ARHGEF1: variants seen among roughly 807,000 people sequenced by gnomAD.
ARHGEF1 encodes 115 kDa guanine nucleotide exchange factor.
ARHGEF1 carries 40 observed loss-of-function variants against 119.7 expected under a neutral mutation model. The ratio of observed to expected loss-of-function variants is 0.33; its 90% CI spans 0.26 to 0.44. The LOEUF is 0.44. Ranked by LOEUF, ARHGEF1 falls within the 20% of genes least tolerant of loss-of-function variation. ARHGEF1 has a pLI of 1.00. For synonymous variants in ARHGEF1, 494 were observed against 521.0 expected (o/e 0.95, Z 0.71); for missense variants, 976 against 1,268.3 (o/e 0.77, Z 3.50).
chr19:41,914,448 A>C (rs2074774674), intron 18 of ARHGEF1, among the ~76,000 whole-genome samples: 2 of 142,680 alleles, frequency 1.4e-5, no homozygotes, highest in African/African-American at 2.7e-5. Flanking sequence ...CTGTTTCTCC[A>C]TCTCTCACCC....
chr19:41,914,553 C>T (rs1160502612), intron 18 of ARHGEF1, among the ~76,000 whole-genome samples: 1 of 121,758 alleles, frequency 8.2e-6, no homozygotes, highest in Non-Finnish European at 1.8e-5. Context: ...TCTTTCCCTC[C>T]CCTTCCACCA....
chr19:41,901,959 C>T lies in ARHGEF1; in HGVS notation c.1340C>T (p.Ala447Val), dbSNP rs1555849095. The T allele has an allele frequency of 2.5e-6, 4 of 1,614,096 alleles. No homozygotes were observed. The highest frequency in any genetic ancestry group is 1.7e-5 in the Admixed American group (1 of 60,022). The change falls in exon 15 of 29, where the codon GCA becomes GTA. Residue 447 changes from alanine to valine, a missense_variant. Physicochemically the swap from Ala to Val is moderately conservative, Grantham distance 64 (BLOSUM62 0). Around this residue, in one of 3 missense-constraint regions of ARHGEF1, gnomAD observed 286 missense variants for 506.8 expected, o/e 0.56. Transcript: ENST00000354532. ...VLHDLFFQPM[A>V]ECLFFPLEEL... The stretch of plus-strand genomic sequence containing the variant: ...CACGACCTCTTCTTCCAGCCCATGG[C>T]AGAATGCCTGTTCTTCCCCTTGGAG...
At position 41,894,264 on chromosome 19, in the gene ARHGEF1, G is replaced by A; in HGVS notation, c.702G>A (p.Lys234=). 1 of 1,573,260 alleles carries A rather than the reference G, an allele frequency of 6.4e-7. No individual in the cohort carries two copies. The highest frequency in any genetic ancestry group is 8.7e-7 in the Non-Finnish European group (1 of 1,155,000). The change falls in exon 9 of 29, where the codon AAG becomes AAA. Residue 234 remains lysine (K), a synonymous_variant. Coordinates refer to ENST00000354532, the MANE Select transcript of ARHGEF1 (RefSeq NM_004706.4). Reference sequence around the variant, plus strand: ...TGCGCCACCTTGGGGTGCGGACCAAGAGTGGAGACAAGAAGTCGGGGAGGA... The same window carrying A: ...TGCGCCACCTTGGGGTGCGGACCAAAAGTGGAGACAAGAAGTCGGGGAGGA... ...LYMRHLGVRT[K]SGDKKSGRNF... is the part of the protein sequence containing the mutation.
downstream of ARHGEF1, chr19:41,907,546 G>A (rs941752391): frequency 6.9e-5 from 51 of 734,790 alleles, 1 homozygote; most frequent in Admixed American, 9.0e-4. Context: ...GTGCCTCTGC[G>A]CCTCCCTCCA....
intron 18 of ARHGEF1, chr19:41,912,899 G>T (rs1006348335): frequency 4.2e-5 from 52 of 1,231,526 alleles, no homozygotes; most frequent in Non-Finnish European, 5.3e-5. Context: ...AGAGAAGGTC[G>T]GAGACGCAGC....
chr19:41,924,878 G>T (rs1454319272), intron 1 of ARHGEF1, among the ~76,000 whole-genome samples: 1 of 152,140 alleles, frequency 6.6e-6, no homozygotes, highest in African/African-American at 2.4e-5. Context: ...AGATCTGAAG[G>T]TTTCTTCCTA....
chr19:41,888,210 C>T lies in ARHGEF1; in HGVS notation c.43C>T (p.Arg15Trp), dbSNP rs1349104759. 11 of 1,614,020 alleles carry T rather than the reference C, an allele frequency of 6.8e-6. No homozygotes were observed. The highest frequency in any genetic ancestry group is 2.2e-5 in the South Asian group (2 of 91,090). ...ARGAASPGPS[R>W]PGLVPVSIIG... ...TCCACAGGCCTCCCCAGGCCCCTCCCGGCCTGGCCTGGTTCCCGTCAGCAT... is the reference window on the plus strand; with the variant it reads ...TCCACAGGCCTCCCCAGGCCCCTCCTGGCCTGGCCTGGTTCCCGTCAGCAT... Residue 15 changes from arginine to tryptophan, a missense_variant, in exon 3 of 29, where the codon CGG becomes TGG. Physicochemically the swap from Arg to Trp is moderately radical, Grantham distance 101. Coordinates refer to ENST00000354532, the MANE Select transcript of ARHGEF1 (RefSeq NM_004706.4). The surrounding 1 kb of genome is among the most constrained non-coding windows in gnomAD (Gnocchi z 5.1).
chr19:41,897,195 G>T (rs550234905), intron 13 of ARHGEF1: 2 of 1,027,456 alleles, frequency 1.9e-6, no homozygotes, highest in Non-Finnish European at 2.6e-6. Context: ...ACAGCTGGGG[G>T]GCAGGCTCTG....
At chr19:41,912,882 G>A (rs1437936971) in intron 18 of ARHGEF1, 5 of 1,231,214 alleles carry the variant, frequency 4.1e-6, no homozygotes, top group African/African-American at 3.1e-5. Context: ...CAGGGCGGGC[G>A]GGGCGAAGAG....
In ARHGEF1 at chr19:41,927,480, A is replaced by G. The variant is rs557598009; in HGVS notation, c.141-1351A>G. Among the ~76,000 whole-genome samples, 3 of 152,028 alleles carry G rather than the reference A, an allele frequency of 2.0e-5. No individual in the cohort carries two copies. In the South Asian group the frequency reaches 6.2e-4, roughly 32 times the overall value. On this transcript the variant is annotated intron_variant, in intron 1 of 2. Coordinates refer to the ARHGEF1 transcript ENST00000594417. ...CTGGCCCCCTCAAGTCCAAACTCCT[A>G]TGCTGATCCCCAGTCCCAGATATCC...
chr19:41,903,368 C>A lies in ARHGEF1; in HGVS notation c.1800C>A (p.His600Gln). ...LAAECCREIL[H>Q]HVNQAVRDME... ...CCGAGTGCTGCCGGGAAATTCTACA[C>A]CACGTCAACCAAGCCGTGCGTGACA... Residue 600 changes from histidine (H) to glutamine (Q), a missense_variant, in exon 19 of 29, where the codon CAC becomes CAA. His to Gln is a conservative substitution (Grantham distance 24). Around this residue, in one of 3 missense-constraint regions of ARHGEF1, gnomAD observed 286 missense variants for 506.8 expected, o/e 0.56. Coordinates refer to ENST00000354532, the MANE Select transcript of ARHGEF1 (RefSeq NM_004706.4). This position sits in a 1 kb window ranked among gnomAD's most constrained non-coding sequence, Gnocchi z 4.2. 1 of 1,613,968 alleles carries A rather than the reference C, an allele frequency of 6.2e-7. No homozygotes were observed. The highest frequency in any genetic ancestry group is 1.1e-5 in the South Asian group (1 of 91,086).
chr19:41,911,004 A>C (rs1240742856), downstream of ARHGEF1, among the ~76,000 whole-genome samples: 3 of 152,200 alleles, frequency 2.0e-5, no homozygotes, highest in Non-Finnish European at 2.9e-5. Flanking sequence ...CAGGACCCCA[A>C]ATGCCCAAAG....
At chr19:41,896,307 C>A in intron 12 of ARHGEF1, 70 bp from the exon 13 acceptor site, 1 of 784,188 alleles carries the variant, frequency 1.3e-6, no homozygotes, top group Non-Finnish European at 1.9e-6. Flanking sequence ...CCCGCAATTC[C>A]AGGCCCCCAG....
rs1456397559 is a variant in ARHGEF1 at position 41,916,224 on chromosome 19, C to T, written c.1866-6868C>T. 2.0e-5 allele frequency among the ~76,000 whole-genome samples: 3 copies of T among 151,396 alleles called. No individual in the cohort carries two copies. The highest frequency in any genetic ancestry group is 7.3e-5 in the African/African-American group (3 of 41,180). Reference sequence around the variant, plus strand: ...GCACACATCGCACAGATGCACACACCAGCACAGCCACACACACACCATCAC... The same window carrying T: ...GCACACATCGCACAGATGCACACACTAGCACAGCCACACACACACCATCAC... On this transcript the variant is annotated intron_variant, in intron 18 of 20. Coordinates refer to the ARHGEF1 transcript ENST00000599589. This position sits in a 1 kb window ranked among gnomAD's most constrained non-coding sequence, Gnocchi z 5.4.
At position 41,902,850 on chromosome 19, in the gene ARHGEF1, C is replaced by T; in HGVS notation, c.1690C>T (p.Arg564Trp). ...LKDMIPTEMQ[R>W]LTKYPLLLQS... ...GGACATGATCCCCACGGAGATGCAGCGGCTGACCAAGTACCCCCTGCTCCT... is the reference window on the plus strand; with the variant it reads ...GGACATGATCCCCACGGAGATGCAGTGGCTGACCAAGTACCCCCTGCTCCT... Residue 564 changes from arginine (R) to tryptophan (W), a missense_variant, in exon 18 of 29, where the codon CGG becomes TGG. Physicochemically the swap from Arg to Trp is moderately radical, Grantham distance 101. Around this residue, in one of 3 missense-constraint regions of ARHGEF1, gnomAD observed 286 missense variants for 506.8 expected, o/e 0.56. Transcript: ENST00000354532. This position sits in a 1 kb window ranked among gnomAD's most constrained non-coding sequence, Gnocchi z 6.5. The T allele has an allele frequency of 6.2e-7, 1 of 1,613,170 alleles. No individual in the cohort carries two copies. The highest frequency in any genetic ancestry group is 1.1e-5 in the South Asian group (1 of 91,080).
upstream of ARHGEF1, among the ~76,000 whole-genome samples, chr19:41,919,381 CAAACATA>C (rs1217130310): frequency 7.9e-4 from 120 of 152,260 alleles, no homozygotes; most frequent in African/African-American, 2.7e-3. Flanking sequence ...CATACACAAT[CAAACATA>C]CACAAACAGT....
In ARHGEF1 at chr19:41,904,720, G is replaced by A. The variant is rs2074662008; in HGVS notation, c.2162-229G>A. On this transcript the variant is annotated intron_variant, in intron 22 of 28. Transcript: ENST00000354532. This position sits in a 1 kb window ranked among gnomAD's most constrained non-coding sequence, Gnocchi z 8.4. ...CTGGAGGGTGGGAGTGGCTGGAGGG[G>A]TTTCGTTAGGTAAGCCAGGGTACAT... Among the ~76,000 whole-genome samples, 1 of 152,104 alleles carries A rather than the reference G, an allele frequency of 6.6e-6. No individual in the cohort carries two copies. Among genetic ancestry groups the A allele is most frequent in the Admixed American group, 6.5e-5 (1 of 15,268 alleles).
At chr19:41,919,868 C>T (rs1416568087), upstream of ARHGEF1, among the ~76,000 whole-genome samples, 1 of 152,094 alleles carries the variant, frequency 6.6e-6, no homozygotes, top group Non-Finnish European at 1.5e-5. Context: ...AACTCCAGAG[C>T]TTTGGACGGT....
In ARHGEF1 at chr19:41,917,848, A is replaced by G. The variant is rs2074811269; in HGVS notation, c.1866-5244A>G. ...CATGGGACGGCTGCCAGCCCCACCC[A>G]TCTGTTGCCACACAAACGAGCCCCC... is the stretch of plus-strand genomic sequence containing the variant. On this transcript the variant is annotated intron_variant, in intron 18 of 20. Transcript: ENST00000599589. This position sits in a 1 kb window ranked among gnomAD's most constrained non-coding sequence, Gnocchi z 4.8. Among the ~76,000 whole-genome samples the G allele has an allele frequency of 6.6e-6, 1 of 151,542 alleles. No individual in the cohort carries two copies. Among genetic ancestry groups the G allele is most frequent in the Non-Finnish European group, 1.5e-5 (1 of 67,884 alleles).
Sources: gnomAD v4.1 joint callset for allele counts (sites outside exome capture counted in the v4.1 genomes callset) on GRCh38, gnomAD v4.1.1 for gene constraint, gnomAD v4.1.1 regional missense constraint, Gnocchi (gnomAD v3.1) non-coding constraint, MANE v1.5 for transcripts, NCBI Gene and HGNC (gene_info 2026-07-23, HGNC 2026-07-21) for gene names.